Variants in KIF13B observed in about 807,000 individuals in gnomAD.
KIF13B encodes the protein kinesin-like protein KIF13B.
KIF13B carries 127 observed loss-of-function variants against 222.0 expected under a neutral mutation model. The observed-to-expected ratio is 0.57, with a 90% CI of 0.50 to 0.66. The LOEUF is 0.66. KIF13B is among the 30% of genes least tolerant of loss of function. The pLI, the probability that KIF13B is intolerant of heterozygous loss-of-function variation, is 0.00. For synonymous variants in KIF13B, 976 were observed against 919.0 expected (o/e 1.06, Z -1.12); for missense variants, 2,173 against 2,379.0 (o/e 0.91, Z 1.80).
chr8:29,132,238 A>T, intron 23 of KIF13B, 70 bp downstream of exon 23: 1 of 1,204,738 alleles, frequency 8.3e-7, no homozygotes, highest in Non-Finnish European at 1.1e-6. Flanking sequence ...AGAGTGAATG[A>T]GACTGTCTCA....
intron 13 of KIF13B, among the ~76,000 whole-genome samples, chr8:29,156,915 T>G (rs561456115): frequency 2.0e-5 from 3 of 152,116 alleles, no homozygotes; most frequent in Non-Finnish European, 4.4e-5. Flanking sequence ...GCTAAACTCT[T>G]GTTCCCATCT....
At chr8:29,201,255 A>G (rs1813679931) in intron 2 of KIF13B, among the ~76,000 whole-genome samples, 1 of 152,164 alleles carries the variant, frequency 6.6e-6, no homozygotes, top group African/African-American at 2.4e-5. Context: ...AACAAACAAT[A>G]TGGCTGCATA....
chr8:29,243,026 A>G (rs1461399111), intron 2 of KIF13B, among the ~76,000 whole-genome samples: 2 of 152,194 alleles, frequency 1.3e-5, no homozygotes, highest in African/African-American at 4.8e-5. Context: ...ATACTCAAGC[A>G]TTGAATTGAA....
At chr8:29,073,296 G>GC (rs1807401168) in intron 38 of KIF13B, among the ~76,000 whole-genome samples, 1 of 152,180 alleles carries the variant, frequency 6.6e-6, no homozygotes, top group African/African-American at 2.4e-5. Context: ...CCAGGAAGCA[G>GC]CCCCCAGGGA....
intron 18 of KIF13B, among the ~76,000 whole-genome samples, chr8:29,144,285 G>C (rs1044199754): frequency 8.6e-5 from 13 of 151,992 alleles, no homozygotes; most frequent in African/African-American, 2.9e-4. Flanking sequence ...AATTGAGACA[G>C]AGTCTCTTTC....
At chr8:29,172,724 C>G (rs532322926) in intron 10 of KIF13B, among the ~76,000 whole-genome samples, 13 of 152,292 alleles carry the variant, frequency 8.5e-5, no homozygotes, top group African/African-American at 2.9e-4. Context: ...TCTGTGTCAT[C>G]TGACCACTGG....
chr8:29,174,854 A>C (rs1812411613), intron 10 of KIF13B, among the ~76,000 whole-genome samples: 1 of 152,198 alleles, frequency 6.6e-6, no homozygotes. Context: ...TTTTGAATTA[A>C]AAAGTTGAAT....
At chr8:29,221,552 T>C (rs541728856) in intron 2 of KIF13B, among the ~76,000 whole-genome samples, 11 of 152,000 alleles carry the variant, frequency 7.2e-5, no homozygotes, top group Non-Finnish European at 1.6e-4. Context: ...GTAAAAAGGA[T>C]TGCACATATG....
chr8:29,103,203 C>T (rs1808879369), intron 35 of KIF13B, among the ~76,000 whole-genome samples: 1 of 147,454 alleles, frequency 6.8e-6, no homozygotes, highest in African/African-American at 2.5e-5. Context: ...GATAGCGCCA[C>T]TGCAGTCCGG....
chr8:29,157,609 G>A (rs1236615673), intron 13 of KIF13B, among the ~76,000 whole-genome samples: 1 of 151,918 alleles, frequency 6.6e-6, no homozygotes, highest in East Asian at 1.9e-4. Flanking sequence ...GGAGGCTGAG[G>A]CAGGAGAGTG....
intron 14 of KIF13B, among the ~76,000 whole-genome samples, chr8:29,151,138 G>A (rs891092146): frequency 1.3e-5 from 2 of 152,208 alleles, no homozygotes; most frequent in African/African-American, 4.8e-5. Flanking sequence ...AGAAAGTTCA[G>A]TGGTCTGGAT....
intron 9 of KIF13B, among the ~76,000 whole-genome samples, chr8:29,177,125 A>C (rs914645696): frequency 2.0e-5 from 3 of 152,234 alleles, no homozygotes; most frequent in African/African-American, 7.2e-5. Flanking sequence ...TTGGGTTGAC[A>C]CACCTGGGGG....
chr8:29,115,756 C>T (rs1207720239), intron 31 of KIF13B, among the ~76,000 whole-genome samples: 2 of 152,162 alleles, frequency 1.3e-5, no homozygotes, highest in Admixed American at 6.5e-5. Flanking sequence ...GAGCTCCTCG[C>T]GGTCCCCGAT....
chr8:29,189,142 C>T (rs1298511119), intron 4 of KIF13B, among the ~76,000 whole-genome samples: 1 of 152,128 alleles, frequency 6.6e-6, no homozygotes, highest in African/African-American at 2.4e-5. Flanking sequence ...CAAATTCTCC[C>T]CGACAGGCCA....
At chr8:29,139,877 G>A (rs1810731660) in intron 21 of KIF13B, among the ~76,000 whole-genome samples, 186 bp downstream of exon 21, 1 of 152,120 alleles carries the variant, frequency 6.6e-6, no homozygotes, top group Non-Finnish European at 1.5e-5. Flanking sequence ...TCATGAGTGG[G>A]GGAGGCTCTG....
intron 37 of KIF13B, among the ~76,000 whole-genome samples, chr8:29,091,084 A>G (rs1013701210): frequency 6.6e-6 from 1 of 152,228 alleles, no homozygotes; most frequent in African/African-American, 2.4e-5. Context: ...ACCTTTGCTC[A>G]TATGTGCTCA....
In KIF13B at chr8:29,070,885, A is replaced by G; in HGVS notation, c.5219-119T>C. On this transcript the variant is annotated intron_variant, in intron 39 of 39. Coordinates refer to ENST00000524189, the MANE Select transcript of KIF13B (RefSeq NM_015254.4). The surrounding 1 kb of genome is among the most constrained non-coding windows in gnomAD (Gnocchi z 4.1). ...TGCCACCCCCCCGCACAGGCCCTACACAGCCAGCACTCGGACACTGGCCAT... is the reference window on the plus strand; with the variant it reads ...TGCCACCCCCCCGCACAGGCCCTACGCAGCCAGCACTCGGACACTGGCCAT... The G allele has an allele frequency of 2.8e-6, 3 of 1,085,988 alleles. No individual in the cohort carries two copies. The highest frequency in any genetic ancestry group is 2.9e-5 in the South Asian group (2 of 68,236). 67.3% of individuals were successfully genotyped at this position (1,085,988 alleles called of 1,614,324 possible). A position where few individuals can be genotyped will look rare whatever the true frequency, so the allele number is the denominator to read the frequency against.
intron 10 of KIF13B, among the ~76,000 whole-genome samples, chr8:29,174,736 A>G (rs1349772199): frequency 6.6e-6 from 1 of 152,222 alleles, no homozygotes; most frequent in Admixed American, 6.5e-5. Context: ...CTGATATTCT[A>G]CTGTGGAAAA....
Position 29,175,748 on chromosome 8 carries a change from C to T in KIF13B, c.945+320G>A, listed in dbSNP as rs370102007. On this transcript the variant is annotated intron_variant, in intron 10 of 39. Coordinates refer to ENST00000524189, the MANE Select transcript of KIF13B (RefSeq NM_015254.4). ...GCTGAGTGTGAGGCCAGCGGAGGCTCCTCCTCCATGACTCACACAGTGGTC... is the reference window on the plus strand; with the variant it reads ...GCTGAGTGTGAGGCCAGCGGAGGCTTCTCCTCCATGACTCACACAGTGGTC... 1.1e-4 allele frequency among the ~76,000 whole-genome samples: 16 copies of T among 152,362 alleles called. No individual in the cohort carries two copies. The South Asian group carries it at 2.7e-3, about 26-fold the overall frequency.
Sources: gnomAD v4.1 joint callset for allele counts (sites outside exome capture counted in the v4.1 genomes callset) on GRCh38, gnomAD v4.1.1 for gene constraint, Gnocchi (gnomAD v3.1) non-coding constraint, MANE v1.5 for transcripts, NCBI Gene and HGNC (gene_info 2026-07-23, HGNC 2026-07-21) for gene names.